Variants in MARCHF1 observed in about 807,000 individuals in gnomAD.
The protein encoded by MARCHF1 is E3 ubiquitin-protein ligase MARCHF1.
MARCHF1 carries 40 observed loss-of-function variants against 54.2 expected under a neutral mutation model. The ratio of observed to expected loss-of-function variants is 0.74; its 90% CI spans 0.57 to 0.96. MARCHF1 has a LOEUF of 0.96. Ranked by LOEUF, MARCHF1 falls within the 40% of genes least tolerant of loss-of-function variation. The pLI is 0.00. For missense variants in MARCHF1, 586 were observed against 656.5 expected, an observed-to-expected ratio of 0.89 and a Z score of 1.17; for synonymous variants, 236 against 236.3, an observed-to-expected ratio of 1.00 and a Z score of 0.01.
chr4:163,982,772 C>G (rs1451611703), intron 3 of MARCHF1, among the ~76,000 whole-genome samples: 1 of 152,130 alleles, frequency 6.6e-6, no homozygotes, highest in African/African-American at 2.4e-5. Flanking sequence ...GAAGCTCCAA[C>G]CTTTTCCCTC....
At chr4:164,222,737 T>G (rs538555832) in intron 1 of MARCHF1, among the ~76,000 whole-genome samples, 1 of 152,052 alleles carries the variant, frequency 6.6e-6, no homozygotes, top group Non-Finnish European at 1.5e-5. Flanking sequence ...ATGGTAGTTT[T>G]AGAAATAATG....
At chr4:164,132,040 C>T (rs1756311110) in intron 1 of MARCHF1, among the ~76,000 whole-genome samples, 1 of 152,090 alleles carries the variant, frequency 6.6e-6, no homozygotes, top group African/African-American at 2.4e-5. Context: ...AGTCACAGAA[C>T]AGCCAATGGA....
At chr4:164,189,220 G>T (rs113882733) in intron 1 of MARCHF1, 3 of 569,342 alleles carry the variant, frequency 5.3e-6, no homozygotes, top group East Asian at 6.1e-5. Context: ...CAGGAAAGAC[G>T]ATAGGGCTGT....
At chr4:164,101,180 C>CG (rs1755547633) in intron 2 of MARCHF1, among the ~76,000 whole-genome samples, 1 of 152,090 alleles carries the variant, frequency 6.6e-6, no homozygotes, top group South Asian at 2.1e-4. Context: ...GCAGCGAGGC[C>CG]GGGGGAGGGG....
At chr4:163,530,152 C>A (rs905975480) in intron 9 of MARCHF1, 25 of 151,876 alleles carry the variant, frequency 1.6e-4, no homozygotes, top group Admixed American at 3.9e-4. Flanking sequence ...AGAAATCATG[C>A]CCTGTTTGTT....
intron 3 of MARCHF1, among the ~76,000 whole-genome samples, chr4:163,887,433 T>C (rs1270037339): frequency 9.9e-5 from 15 of 152,098 alleles, no homozygotes; most frequent in Admixed American, 9.8e-4. Flanking sequence ...GAGGCAAGTG[T>C]CCCAGAGTTT....
At chr4:164,222,583 G>A (rs1311689902) in intron 1 of MARCHF1, among the ~76,000 whole-genome samples, 5 of 151,710 alleles carry the variant, frequency 3.3e-5, no homozygotes, top group Non-Finnish European at 7.4e-5. Context: ...CAGGCAAATA[G>A]TGAAAATGGA....
chr4:164,139,569 A>G (rs930528513), intron 1 of MARCHF1, among the ~76,000 whole-genome samples: 2 of 152,120 alleles, frequency 1.3e-5, no homozygotes, highest in Non-Finnish European at 2.9e-5. Context: ...GGGCTGGGAA[A>G]GTACAGTTAT....
chr4:163,554,801 T>C (rs1259920606), intron 8 of MARCHF1, among the ~76,000 whole-genome samples: 1 of 152,212 alleles, frequency 6.6e-6, no homozygotes, highest in East Asian at 1.9e-4. Context: ...ATAAAACAGA[T>C]AAGCCATTTT....
At chr4:163,746,638 G>T (rs532719037) in intron 4 of MARCHF1, among the ~76,000 whole-genome samples, 1 of 152,034 alleles carries the variant, frequency 6.6e-6, no homozygotes, top group Non-Finnish European at 1.5e-5. Context: ...TATCCTGTTC[G>T]CACACTCTGG....
At position 163,558,533 on chromosome 4, in the gene MARCHF1, G is replaced by T. The variant is rs377257701; in HGVS notation, c.1192-12790C>A. Among the ~76,000 whole-genome samples the T allele has an allele frequency of 1.9e-4, 29 of 152,268 alleles. No individual in the cohort carries two copies. In the East Asian group the frequency reaches 2.1e-3, roughly 11 times the overall value. On this transcript the variant is annotated intron_variant, in intron 8 of 9. Transcript: ENST00000514618. ...ACTGGATTTAGGGACAAAAATCTAGGAAGTAACTGATCTTTGAACTCAGGT... is the reference window on the plus strand; with the variant it reads ...ACTGGATTTAGGGACAAAAATCTAGTAAGTAACTGATCTTTGAACTCAGGT...
At chr4:163,946,213 T>C (rs1328683304) in intron 3 of MARCHF1, among the ~76,000 whole-genome samples, 1 of 152,112 alleles carries the variant, frequency 6.6e-6, no homozygotes, top group Admixed American at 6.6e-5. Context: ...GTCGCAAATA[T>C]ATTTTCTACT....
intron 1 of MARCHF1, among the ~76,000 whole-genome samples, chr4:164,194,948 T>C (rs1359237345): frequency 6.6e-6 from 1 of 151,872 alleles, no homozygotes; most frequent in African/African-American, 2.4e-5. Context: ...GCTCCTACAT[T>C]AGCTATCCCT....
At chr4:163,956,119 A>T (rs1257837165) in intron 3 of MARCHF1, among the ~76,000 whole-genome samples, 1 of 152,196 alleles carries the variant, frequency 6.6e-6, no homozygotes, top group Non-Finnish European at 1.5e-5. Flanking sequence ...GTAAGATGTT[A>T]ACATCAGGAG....
intron 1 of MARCHF1, among the ~76,000 whole-genome samples, chr4:164,320,471 G>C (rs1735112742): frequency 6.6e-6 from 1 of 152,128 alleles, no homozygotes; most frequent in South Asian, 2.1e-4. Context: ...GGAAGGAAAG[G>C]GACAACCGTT....
At chr4:163,752,738 T>C (rs144041501) in intron 4 of MARCHF1, among the ~76,000 whole-genome samples, 1,928 of 152,234 alleles carry the variant, frequency 0.013, 7 homozygotes, top group Middle Eastern at 0.031. Flanking sequence ...AAATCACAAA[T>C]GTTTGATAAA....
intron 5 of MARCHF1, among the ~76,000 whole-genome samples, chr4:163,663,318 G>A (rs1263995628): frequency 6.7e-6 from 1 of 149,932 alleles, no homozygotes; most frequent in East Asian, 2.0e-4. Flanking sequence ...TGACACCCTT[G>A]CCACTAGATG....
chr4:163,981,454 A>AC (rs1429694378), intron 3 of MARCHF1, among the ~76,000 whole-genome samples: 2 of 152,078 alleles, frequency 1.3e-5, no homozygotes, highest in Non-Finnish European at 2.9e-5. Flanking sequence ...CACCAGTTCT[A>AC]CCCCCATGTC....
intron 4 of MARCHF1, among the ~76,000 whole-genome samples, chr4:163,773,410 G>C (rs1168860948): frequency 6.6e-6 from 1 of 152,124 alleles, no homozygotes; most frequent in Admixed American, 6.6e-5. Context: ...TTGAGCTGCA[G>C]GATTTTAAAT....
Sources: gnomAD v4.1 joint callset for allele counts (sites outside exome capture counted in the v4.1 genomes callset) on GRCh38, gnomAD v4.1.1 for gene constraint, MANE v1.5 for transcripts, NCBI Gene and HGNC (gene_info 2026-07-23, HGNC 2026-07-21) for gene names.